LPA: variants seen among roughly 807,000 people sequenced by gnomAD.
LPA encodes apolipoprotein(a).
In LPA, 199 loss-of-function variants were observed where a neutral mutation model predicts 197.9. That is an observed-to-expected ratio of 1.01 (90% CI 0.90 to 1.13). The LOEUF (loss-of-function observed/expected upper bound fraction) is 1.13, where lower values mean the gene tolerates loss of function less well. LPA is among the 50% of genes most tolerant of loss of function. The probability of loss-of-function intolerance (pLI) is 0.00; values close to 1 mark genes in which losing one functional copy is unlikely to be tolerated. For missense variants in LPA, 1,853 were observed against 1,785.8 expected (o/e 1.04, Z -0.68); for synonymous variants, 715 against 639.5 (o/e 1.12, Z -1.78).
Position 160,650,277 on chromosome 6 carries a change from C to A in LPA, c.209+61G>T, listed in dbSNP as rs1779978779. ...TCATAAGAAGTTAGCTTGACGCACA[C>A]CTTTTCTAAGACAAATTTTACTTGG... On this transcript the variant is annotated intron_variant, in intron 2 of 38. Coordinates refer to ENST00000316300, the MANE Select transcript of LPA (RefSeq NM_005577.4). The A allele has an allele frequency of 3.2e-6, 5 of 1,568,490 alleles. No homozygotes were observed. The South Asian group carries it at 4.4e-5, about 14-fold the overall frequency.
At chr6:160,654,021 A>ATAT (rs1780071101) in intron 1 of LPA, among the ~76,000 whole-genome samples, 1 of 3,466 alleles carries the variant, frequency 2.9e-4, no homozygotes, top group Non-Finnish European at 9.0e-4. Context: ...ATTATATATA[A>ATAT]TATATAATAT....
At chr6:160,570,076 G>A (rs952251625) in intron 28 of LPA, among the ~76,000 whole-genome samples, 2 of 152,188 alleles carry the variant, frequency 1.3e-5, no homozygotes, top group African/African-American at 4.8e-5. Context: ...AGACAGTGCG[G>A]TGATTCCTCA....
chr6:160,556,429 C>G (rs1778264661), intron 29 of LPA, among the ~76,000 whole-genome samples: 1 of 152,080 alleles, frequency 6.6e-6, no homozygotes, highest in African/African-American at 2.4e-5. Context: ...ACAATTGGAA[C>G]AAAGACTCAT....
At chr6:160,594,762 G>A (rs1030092147) in intron 21 of LPA, among the ~76,000 whole-genome samples, 1 of 152,196 alleles carries the variant, frequency 6.6e-6, no homozygotes, top group Non-Finnish European at 1.5e-5. Context: ...CCATGAGAAG[G>A]AGGGGCAAGA....
intron 15 of LPA, 40 bp from the exon 16 acceptor site, chr6:160,611,761 G>C (rs754367400): frequency 2.2e-6 from 3 of 1,340,002 alleles, no homozygotes; most frequent in Non-Finnish European, 3.1e-6. Flanking sequence ...GTATCTCTGA[G>C]AATAACGAAA....
chr6:160,574,048 A>T (rs1028893624), intron 28 of LPA, among the ~76,000 whole-genome samples: 1 of 151,930 alleles, frequency 6.6e-6, no homozygotes. Context: ...CTGAGCTCAG[A>T]CTTTCCTTGG....
chr6:160,577,219 G>A lies in LPA; in HGVS notation c.4548C>T (p.Thr1516=), dbSNP rs1392230919. 6.2e-7 allele frequency: 1 copy of A among 1,613,870 alleles called. No individual in the cohort carries two copies. The highest frequency in any genetic ancestry group is 2.2e-5 in the East Asian group (1 of 44,854). ...DGRSYRGISS[T]TVTGRTCQSW... ...ATTGACAGGTCCTTCCTGTGACAGT[G>A]GTGGAGGATATGCCTCGATAACTCC... The change falls in exon 28 of 39, where the codon ACC becomes ACT. Residue 1516 remains threonine (T), a synonymous_variant. Transcript: ENST00000316300.
At chr6:160,569,874 A>G (rs1778531747) in intron 28 of LPA, among the ~76,000 whole-genome samples, 1 of 152,244 alleles carries the variant, frequency 6.6e-6, no homozygotes, top group African/African-American at 2.4e-5. Context: ...GTCAAGAGAC[A>G]CATGAAAAAG....
chr6:160,598,427 T>C (rs1366104126), intron 20 of LPA, among the ~76,000 whole-genome samples: 2 of 152,196 alleles, frequency 1.3e-5, no homozygotes, highest in Non-Finnish European at 1.5e-5. Flanking sequence ...GGGCTCCATC[T>C]CCTTGCTCTT....
At position 160,606,564 on chromosome 6, in the gene LPA, G is replaced by A. The variant is rs768422865; in HGVS notation, c.2698C>T (p.Leu900=). 5 of 1,613,866 alleles carry A rather than the reference G, an allele frequency of 3.1e-6. No individual in the cohort carries two copies. The highest frequency in any genetic ancestry group is 4.2e-6 in the Non-Finnish European group (5 of 1,179,974). Residue 900 remains leucine (L), a synonymous_variant, in exon 17 of 39, where the codon CTG becomes TTG. Transcript: ENST00000316300. ...DPSVRWEYCN[L]TQCSDAEGTA... is the part of the protein sequence containing the mutation. ...CCTTCTGCGTCTGAGCATTGTGTCA[G>A]GTTGCAGTACTCCCACCTGACACTG...
At chr6:160,610,731 T>A (rs139920818) in intron 16 of LPA, among the ~76,000 whole-genome samples, 233 of 152,248 alleles carry the variant, frequency 1.5e-3, no homozygotes, top group Non-Finnish European at 1.9e-3. Context: ...TCTGCTCAGC[T>A]AGATGGCTAC....
At chr6:160,653,414 C>A (rs1182218771) in intron 1 of LPA, among the ~76,000 whole-genome samples, 1 of 152,056 alleles carries the variant, frequency 6.6e-6, no homozygotes, top group African/African-American at 2.4e-5. Context: ...ACCACCTTCA[C>A]CTAAACGACC....
At chr6:160,647,461 A>T (rs1295574640) in intron 2 of LPA, among the ~76,000 whole-genome samples, 7 of 152,138 alleles carry the variant, frequency 4.6e-5, no homozygotes. Flanking sequence ...GGCTCTACAC[A>T]TGTGGCCTAG....
In LPA at chr6:160,610,056, G is replaced by T. The variant is rs138285934; in HGVS notation, c.2603+1506C>A. ...CACTTTTTTTAAATATCTGAAATCA[G>T]TTATCATACTGATATGTCAAATTTT... On this transcript the variant is annotated intron_variant, in intron 16 of 38. Coordinates refer to ENST00000316300, the MANE Select transcript of LPA (RefSeq NM_005577.4). Among the ~76,000 whole-genome samples the T allele has an allele frequency of 3.1e-4, 47 of 152,036 alleles. 2 individuals carry two copies. In the East Asian group the frequency reaches 8.1e-3, roughly 26 times the overall value.
chr6:160,542,836 G>A (rs201237514), intron 33 of LPA, 28 bp from the exon 34 acceptor site: 178 of 1,613,200 alleles, frequency 1.1e-4, no homozygotes, highest in Non-Finnish European at 1.4e-4. Context: ...AAAAGAAGTC[G>A]CATTTGAGTC....
intron 28 of LPA, among the ~76,000 whole-genome samples, chr6:160,559,854 A>G (rs184877583): frequency 1.3e-5 from 2 of 152,138 alleles, no homozygotes; most frequent in South Asian, 2.1e-4. Context: ...GGTTTGTTAC[A>G]TAGGTATACA....
rs146430065 is a variant in LPA, at chr6:160,575,130, C to T, written c.4631+2006G>A. 0.01 allele frequency among the ~76,000 whole-genome samples: 1,553 copies of T among 152,168 alleles called. 28 individuals carry two copies. The Middle Eastern group carries it at 0.14, about 13-fold the overall frequency. On this transcript the variant is annotated intron_variant, in intron 28 of 38. Coordinates refer to ENST00000316300, the MANE Select transcript of LPA (RefSeq NM_005577.4). ...ACCAAGAAGATTTGCCAAAGTAAAT[C>T]ATACATTTTTACTTTTCAAAATCAT... is the stretch of plus-strand genomic sequence containing the variant.
intron 32 of LPA, among the ~76,000 whole-genome samples, chr6:160,546,657 A>T (rs1273645881): frequency 6.6e-6 from 1 of 152,120 alleles, no homozygotes; most frequent in Non-Finnish European, 1.5e-5. Flanking sequence ...AACTTGTGGG[A>T]TCTGACACTG....
rs770658328 is a variant in LPA, at chr6:160,548,513, A to T, written c.5120T>A (p.Ile1707Asn). 11 of 1,614,022 alleles carry T rather than the reference A, an allele frequency of 6.8e-6. No individual in the cohort carries two copies. Among genetic ancestry groups the T allele is most frequent in the Non-Finnish European group, 9.3e-6 (11 of 1,179,994 alleles). The stretch of plus-strand genomic sequence containing the variant: ...AGGAGGCCCTAGGCTTGGAACCTGG[A>T]TGACAGTCGGAGGAGCGACCACAGT... ...EGTVVAPPTV[I>N]QVPSLGPPSE... Residue 1707 changes from isoleucine (I) to asparagine (N), a missense_variant, in exon 31 of 39, where the codon ATC becomes AAC. Physicochemically the swap from Ile to Asn is moderately radical, Grantham distance 149. This residue lies in a region of LPA where 1,737 missense variants were observed against 1,504.4 expected (regional missense o/e 1.15). Transcript: ENST00000316300.
Sources: gnomAD v4.1 joint callset for allele counts (sites outside exome capture counted in the v4.1 genomes callset) on GRCh38, gnomAD v4.1.1 for gene constraint, gnomAD v4.1.1 regional missense constraint, MANE v1.5 for transcripts, NCBI Gene and HGNC (gene_info 2026-07-23, HGNC 2026-07-21) for gene names.